The following PTPRD variants were observed in gnomAD, a reference collection of about 807,000 sequenced individuals.
PTPRD encodes protein tyrosine phosphatase receptor type D.
Under a neutral mutation model 214.5 loss-of-function variants are expected in PTPRD, and 34 were observed. The ratio of observed to expected loss-of-function variants is 0.16; its 90% CI spans 0.12 to 0.21. PTPRD has a LOEUF of 0.21. Ranked by LOEUF, PTPRD falls within the 10% of genes least tolerant of loss-of-function variation. The probability of loss-of-function intolerance (pLI) is 1.00; values close to 1 mark genes in which losing one functional copy is unlikely to be tolerated. For synonymous variants in PTPRD, 1,128 were observed against 845.7 expected (o/e 1.33, Z -5.79); for missense variants, 2,545 against 2,398.7 (o/e 1.06, Z -1.27).
intron 9 of PTPRD, among the ~76,000 whole-genome samples, chr9:9,361,682 A>G (rs2139075425): frequency 6.6e-6 from 1 of 151,224 alleles, no homozygotes; most frequent in South Asian, 2.1e-4. Context: ...TATTTTGAAA[A>G]CACAATATAT....
chr9:9,636,109 C>T (rs2095757528), intron 7 of PTPRD, among the ~76,000 whole-genome samples: 1 of 152,124 alleles, frequency 6.6e-6, no homozygotes, highest in African/African-American at 2.4e-5. Context: ...TCAATTTTCT[C>T]CAGCTTACAG....
intron 11 of PTPRD, among the ~76,000 whole-genome samples, chr9:8,735,441 G>A (rs1180357995): frequency 1.3e-5 from 2 of 152,010 alleles, no homozygotes; most frequent in Non-Finnish European, 2.9e-5. Flanking sequence ...ACCACTCTTG[G>A]CCTACCAAAG....
At position 9,481,154 on chromosome 9, in the gene PTPRD, C is replaced by T. The variant is rs901199056; in HGVS notation, c.-236-83672G>A. On this transcript the variant is annotated intron_variant, in intron 8 of 45. Transcript: ENST00000381196. ...TTAAGTGGTAAAGGGTGGAGTGTAG[C>T]GAGGATGAGGGCAGACTAGGCAGTA... 5.9e-5 allele frequency among the ~76,000 whole-genome samples: 9 copies of T among 151,734 alleles called. No homozygotes were observed. The East Asian group carries it at 1.5e-3, about 26-fold the overall frequency.
intron 2 of PTPRD, among the ~76,000 whole-genome samples, chr9:10,518,208 T>A (rs1440984701): frequency 6.6e-6 from 1 of 152,132 alleles, no homozygotes; most frequent in Non-Finnish European, 1.5e-5. Flanking sequence ...TTAAGGATAA[T>A]AATTTTATGT....
intron 29 of PTPRD, among the ~76,000 whole-genome samples, chr9:8,484,787 T>C (rs1228850119): frequency 6.6e-6 from 1 of 152,206 alleles, no homozygotes; most frequent in Non-Finnish European, 1.5e-5. Flanking sequence ...AAAATGTTTC[T>C]CTATTTCTTA....
At position 8,875,785 on chromosome 9, in the gene PTPRD, G is replaced by C. The variant is rs149552803; in HGVS notation, c.-103-141839C>G. ...CAAGCTTTAGACTTAGTAAGAGTGG[G>C]CTGAAATCCTGGCTCAGCTACTTAA... On this transcript the variant is annotated intron_variant, in intron 11 of 45. Coordinates refer to ENST00000381196, the MANE Select transcript of PTPRD (RefSeq NM_002839.4). Among the ~76,000 whole-genome samples, 12 of 152,202 alleles carry C rather than the reference G, an allele frequency of 7.9e-5. No individual in the cohort carries two copies. In the East Asian group the frequency reaches 2.1e-3, roughly 27 times the overall value.
Position 8,392,958 on chromosome 9 carries a change from A to G in PTPRD, c.4211-3551T>C, listed in dbSNP as rs151014152. Among the ~76,000 whole-genome samples the G allele has an allele frequency of 6.4e-4, 97 of 152,320 alleles. 1 individual carries two copies. The highest frequency in any genetic ancestry group is 2.1e-3 in the African/African-American group (87 of 41,584). On this transcript the variant is annotated intron_variant, in intron 36 of 45. Coordinates refer to ENST00000381196, the MANE Select transcript of PTPRD (RefSeq NM_002839.4). The stretch of plus-strand genomic sequence containing the variant: ...CTAAAGTTAATCAGCAGTCCATTTC[A>G]AGTAGATGAGACTCTGGTTTTTAAT...
At chr9:9,217,359 A>C (rs1034679294) in intron 9 of PTPRD, among the ~76,000 whole-genome samples, 1 of 152,176 alleles carries the variant, frequency 6.6e-6, no homozygotes, top group Non-Finnish European at 1.5e-5. Context: ...CAAATACATA[A>C]AATAAGATTC....
intron 11 of PTPRD, among the ~76,000 whole-genome samples, chr9:8,798,695 A>G (rs888522309): frequency 3.9e-5 from 6 of 152,232 alleles, no homozygotes; most frequent in African/African-American, 1.4e-4. Flanking sequence ...TCTGCAGTTC[A>G]TACAAGAAAG....
At chr9:10,178,962 A>G (rs1434692117) in intron 3 of PTPRD, among the ~76,000 whole-genome samples, 4 of 151,774 alleles carry the variant, frequency 2.6e-5, no homozygotes, top group African/African-American at 9.7e-5. Context: ...GGAATGGGGA[A>G]CAATACTTTT....
chr9:10,399,730 G>T (rs1198508985), intron 2 of PTPRD, among the ~76,000 whole-genome samples: 4 of 151,904 alleles, frequency 2.6e-5, no homozygotes. Context: ...TTAGGCATAT[G>T]ATATGTGGGA....
At chr9:9,444,831 T>A in intron 8 of PTPRD, among the ~76,000 whole-genome samples, 1 of 152,176 alleles carries the variant, frequency 6.6e-6, no homozygotes, top group East Asian at 1.9e-4. Context: ...AAATACTTGA[T>A]CTCTACAACT....
At chr9:9,863,799 G>C (rs556463545) in intron 5 of PTPRD, among the ~76,000 whole-genome samples, 1 of 146,558 alleles carries the variant, frequency 6.8e-6, no homozygotes, top group Non-Finnish European at 1.5e-5. Context: ...AAGGTAGCAA[G>C]AATTGCTATT....
At chr9:9,240,476 GC>G (rs1300786865) in intron 9 of PTPRD, among the ~76,000 whole-genome samples, 1 of 152,136 alleles carries the variant, frequency 6.6e-6, no homozygotes, top group Non-Finnish European at 1.5e-5. Context: ...TTCAAGACCA[GC>G]CTGGCCAGCA....
intron 12 of PTPRD, among the ~76,000 whole-genome samples, chr9:8,646,077 G>T (rs945326478): frequency 4.7e-5 from 7 of 148,430 alleles, no homozygotes; most frequent in African/African-American, 1.8e-4. Flanking sequence ...AAAAAAAAAT[G>T]AAAGCTACAG....
chr9:8,729,630 C>G (rs931783096), intron 12 of PTPRD, among the ~76,000 whole-genome samples: 1 of 152,110 alleles, frequency 6.6e-6, no homozygotes, highest in African/African-American at 2.4e-5. Flanking sequence ...TATATCATGA[C>G]CATCACCGTC....
chr9:10,203,832 C>A (rs971931486), intron 3 of PTPRD, among the ~76,000 whole-genome samples: 2 of 152,058 alleles, frequency 1.3e-5, no homozygotes, highest in African/African-American at 2.4e-5. Context: ...TAAATGAGTT[C>A]ATCTTAAGTT....
Position 9,635,523 on chromosome 9 carries a change from C to T in PTPRD, c.-286-60742G>A, listed in dbSNP as rs147444609. The stretch of plus-strand genomic sequence containing the variant: ...ATTCAATTCTGGGGACTGTGATGAG[C>T]TGTGTGGGTTATGCTTTTACAGCTG... On this transcript the variant is annotated intron_variant, in intron 7 of 45. Coordinates refer to ENST00000381196, the MANE Select transcript of PTPRD (RefSeq NM_002839.4). Among the ~76,000 whole-genome samples, 70 of 152,268 alleles carry T rather than the reference C, an allele frequency of 4.6e-4. No individual in the cohort carries two copies. The East Asian group carries it at 0.013, about 29-fold the overall frequency.
intron 3 of PTPRD, among the ~76,000 whole-genome samples, chr9:10,187,096 C>A (rs1438736010): frequency 1.3e-5 from 2 of 152,118 alleles, no homozygotes; most frequent in Non-Finnish European, 2.9e-5. Context: ...ATACAACTTT[C>A]TTCTTGCTAA....
Sources: gnomAD v4.1 joint callset for allele counts (sites outside exome capture counted in the v4.1 genomes callset) on GRCh38, gnomAD v4.1.1 for gene constraint, MANE v1.5 for transcripts, NCBI Gene and HGNC (gene_info 2026-07-23, HGNC 2026-07-21) for gene names.